Variants in DDX17 observed in about 807,000 individuals in gnomAD.
DDX17 encodes probable ATP-dependent RNA helicase DDX17.
A neutral mutation model predicts 80.8 loss-of-function variants in DDX17; 10 were observed. That is an observed-to-expected ratio of 0.12 (90% CI 0.08 to 0.21). The LOEUF is 0.21. Among genes scored for constraint, DDX17 ranks in the 10% least tolerant of loss-of-function variants. The probability of loss-of-function intolerance (pLI) is 1.00; values close to 1 mark genes in which losing one functional copy is unlikely to be tolerated. For missense variants in DDX17, 586 were observed against 957.4 expected, an observed-to-expected ratio of 0.61 and a Z score of 5.12; for synonymous variants, 339 against 336.2, an observed-to-expected ratio of 1.01 and a Z score of -0.09.
Position 38,485,048 on chromosome 22 carries a change from A to C in DDX17, c.*887T>G, listed in dbSNP as rs1350487525. On this transcript the variant is annotated 3_prime_UTR_variant, in exon 13 of 13. Transcript: ENST00000403230. ...TTTTACACTGCAGGTCAATATAAAA[A>C]CTGGTTAGTAAATTTCCAGCGAGCA... 1 of 152,216 alleles carries C rather than the reference A, an allele frequency of 6.6e-6. No homozygotes were observed. The highest frequency in any genetic ancestry group is 6.5e-5 in the Admixed American group (1 of 15,282). The allele number at this position is 152,216 out of a possible 1,614,324, so 9.4% of individuals were successfully genotyped here.
intron 6 of DDX17, 80 bp downstream of exon 6, chr22:38,495,716 C>A: frequency 1.6e-6 from 2 of 1,232,086 alleles, no homozygotes; most frequent in South Asian, 2.1e-5. Context: ...CACAAGAACC[C>A]ACTTTTTTTC....
chr22:38,500,725 T>A (rs904837806), intron 2 of DDX17, among the ~76,000 whole-genome samples: 3 of 144,728 alleles, frequency 2.1e-5, no homozygotes. Flanking sequence ...GCTGAGGCAG[T>A]AGAATCGCTT....
chr22:38,493,433 C>T (rs924203125), intron 10 of DDX17: 30 of 327,610 alleles, frequency 9.2e-5, no homozygotes, highest in African/African-American at 3.6e-4. Context: ...GTGATCCACG[C>T]GCCTCAGCCT....
intron 1 of DDX17, among the ~76,000 whole-genome samples, chr22:38,502,705 T>A (rs1569143649): frequency 6.6e-6 from 1 of 152,204 alleles, no homozygotes; most frequent in Non-Finnish European, 1.5e-5. Flanking sequence ...ATCTTAACAC[T>A]AAGATGGCCT....
chr22:38,497,511 G>A (rs955412393), intron 5 of DDX17, among the ~76,000 whole-genome samples: 6 of 149,398 alleles, frequency 4.0e-5, no homozygotes, highest in African/African-American at 9.8e-5. Flanking sequence ...CCAGCTACTC[G>A]GGAGGCTGAG....
chr22:38,498,634 T>TA (rs1273186362), intron 3 of DDX17, 61 bp from the exon 4 acceptor site: 68 of 1,578,052 alleles, frequency 4.3e-5, no homozygotes, highest in African/African-American at 1.4e-4. Context: ...CAAGAGTTTT[T>TA]AAAAAAACTT....
intron 2 of DDX17, among the ~76,000 whole-genome samples, chr22:38,500,247 A>C (rs1359798358): frequency 2.0e-5 from 3 of 152,098 alleles, no homozygotes; most frequent in Admixed American, 2.0e-4. Flanking sequence ...CAATATTTCA[A>C]TCATGTATAA....
intron 1 of DDX17, among the ~76,000 whole-genome samples, chr22:38,504,134 C>T (rs777098107): frequency 6.6e-5 from 10 of 152,200 alleles, no homozygotes; most frequent in African/African-American, 1.2e-4. Flanking sequence ...TTACAACTTT[C>T]ACCCTAATAA....
In DDX17 at chr22:38,485,741, T is replaced by C. The variant is rs138137750; in HGVS notation, c.*194A>G. 2,383 of 556,378 alleles carry C rather than the reference T, an allele frequency of 4.3e-3. 15 individuals carry two copies. Among genetic ancestry groups the C allele is most frequent in the Middle Eastern group, 9.7e-3 (18 of 1,860 alleles). 34.5% of individuals were successfully genotyped at this position (556,378 alleles called of 1,614,324 possible). A position where few individuals can be genotyped will look rare whatever the true frequency, so the allele number is the denominator to read the frequency against. On this transcript the variant is annotated 3_prime_UTR_variant, in exon 13 of 13. Transcript: ENST00000403230. The stretch of plus-strand genomic sequence containing the variant: ...GTTATTCCAGACTGGATCATTTTGG[T>C]GGGCAGAAGAAACCTGGCAGTGAAT...
intron 10 of DDX17, among the ~76,000 whole-genome samples, chr22:38,492,648 G>A (rs1048448793): frequency 9.2e-5 from 14 of 152,068 alleles, no homozygotes; most frequent in Admixed American, 5.2e-4. Flanking sequence ...CACCATGCCC[G>A]GCTAATTTTG....
intron 1 of DDX17, chr22:38,505,324 C>T (rs888459557): frequency 2.0e-5 from 3 of 152,278 alleles, no homozygotes; most frequent in African/African-American, 7.2e-5. Flanking sequence ...ACCCATCCTT[C>T]CCCCAAACAC....
chr22:38,498,652 C>T lies in DDX17; in HGVS notation c.539-79G>A, dbSNP rs1334919306. The T allele has an allele frequency of 7.4e-6, 11 of 1,487,222 alleles. No individual in the cohort carries two copies. The East Asian group carries it at 2.0e-4, about 28-fold the overall frequency. 92.1% of individuals were successfully genotyped at this position (1,487,222 alleles called of 1,614,324 possible). ...GAGTTTTTAAAAAAACTTTTAAGCT[C>T]ACTGAAGATAAGATTTACCCAGCTT... On this transcript the variant is annotated intron_variant, in intron 3 of 12. Coordinates refer to ENST00000403230, the MANE Select transcript of DDX17 (RefSeq NM_006386.5).
chr22:38,506,088 C>A lies in DDX17; in HGVS notation c.150G>T (p.Pro50=). Residue 50 remains proline, a synonymous_variant, in exon 1 of 13, where the codon CCG becomes CCT. Transcript: ENST00000403230. ...GCTCCGGTCTGGTGACGACCGATGG[C>A]GGCGGCGCCTCCGCTGTTGGGGCGG... The A allele has an allele frequency of 6.3e-7, 1 of 1,578,052 alleles. No homozygotes were observed. Among genetic ancestry groups the A allele is most frequent in the Non-Finnish European group, 8.6e-7 (1 of 1,162,672 alleles).
In DDX17 at chr22:38,501,291, A is replaced by C. The variant is rs756476383; in HGVS notation, c.288-11T>G. Reference sequence around the variant, plus strand: ...CCTCTTGCTCCAAATCTAGGAACAGAATTTTTAGTTAGTTCATCAGTATTT... The same window carrying C: ...CCTCTTGCTCCAAATCTAGGAACAGCATTTTTAGTTAGTTCATCAGTATTT... On this transcript the variant is annotated splice_polypyrimidine_tract_variant and intron_variant, in intron 1 of 12. Coordinates refer to ENST00000403230, the MANE Select transcript of DDX17 (RefSeq NM_006386.5). The C allele has an allele frequency of 9.4e-6, 15 of 1,600,374 alleles. No homozygotes were observed. The East Asian group carries it at 3.4e-4, about 36-fold the overall frequency.
At chr22:38,496,267 C>T (rs976969430) in intron 5 of DDX17, among the ~76,000 whole-genome samples, 1 of 152,150 alleles carries the variant, frequency 6.6e-6, no homozygotes, top group Non-Finnish European at 1.5e-5. Flanking sequence ...CTCTCATTTA[C>T]AGGTTGAGCA....
chr22:38,498,719 A>T, intron 3 of DDX17, 146 bp from the exon 4 acceptor site: 1 of 832,088 alleles, frequency 1.2e-6, no homozygotes, highest in South Asian at 1.7e-5. Flanking sequence ...TAGATCTCCG[A>T]CCAACTCACT....
chr22:38,505,406 A>T (rs1261106147), intron 1 of DDX17: 1 of 152,628 alleles, frequency 6.6e-6, no homozygotes, highest in African/African-American at 2.4e-5. Context: ...AATATAACTG[A>T]AGAGAATTAA....
At position 38,486,158 on chromosome 22, in the gene DDX17, C is replaced by A. The variant is rs1339844998; in HGVS notation, c.1967G>T (p.Gly656Val). 1 of 1,614,112 alleles carries A rather than the reference C, an allele frequency of 6.2e-7. No homozygotes were observed. Among genetic ancestry groups the A allele is most frequent in the Non-Finnish European group, 8.5e-7 (1 of 1,180,060 alleles). ...GCTACTAGCTCCATAAGTGCCAGCACCATATTCTTGAGCTGTATAGCTACT... is the reference window on the plus strand; with the variant it reads ...GCTACTAGCTCCATAAGTGCCAGCAACATATTCTTGAGCTGTATAGCTACT... Residue 656 changes from glycine (G) to valine (V), a missense_variant, in exon 13 of 13, where the codon GGT (glycine) becomes GTT (valine). Gly to Val is a moderately radical substitution (Grantham distance 109, BLOSUM62 -3). Transcript: ENST00000403230.
intron 1 of DDX17, among the ~76,000 whole-genome samples, chr22:38,502,638 T>C (rs912906772): frequency 2.6e-5 from 4 of 152,188 alleles, no homozygotes; most frequent in African/African-American, 9.7e-5. Flanking sequence ...GGAATACAAA[T>C]ATGACCACTA....
Sources: allele counts gnomAD v4.1 joint callset (sites outside exome capture counted in the v4.1 genomes callset), GRCh38; gene constraint gnomAD v4.1.1; transcripts MANE v1.5; gene names NCBI Gene and HGNC (gene_info 2026-07-23, HGNC 2026-07-21).